Variants in BICC1 observed in about 807,000 individuals in gnomAD.
BICC1 encodes protein bicaudal C homolog 1.
A neutral mutation model predicts 111.0 loss-of-function variants in BICC1; 43 were observed. That is an observed-to-expected ratio of 0.39 (90% CI 0.30 to 0.50). BICC1 has a LOEUF of 0.50. BICC1 is among the 20% of genes least tolerant of loss of function. The pLI is 0.88. For missense variants in BICC1, 1,091 were observed against 1,203.2 expected (o/e 0.91, Z 1.38); for synonymous variants, 467 against 434.4 (o/e 1.07, Z -0.93).
intron 1 of BICC1, among the ~76,000 whole-genome samples, chr10:58,554,658 T>G (rs1843393145): frequency 6.6e-6 from 1 of 152,056 alleles, no homozygotes; most frequent in Admixed American, 6.6e-5. Flanking sequence ...ATTTGTATAA[T>G]AAGAATTACT....
At chr10:58,552,560 C>T (rs1480805721) in intron 1 of BICC1, among the ~76,000 whole-genome samples, 6 of 152,256 alleles carry the variant, frequency 3.9e-5, no homozygotes, top group Non-Finnish European at 8.8e-5. Context: ...TGGTCTCCAT[C>T]TCCTGACCTT....
chr10:58,812,421 C>G (rs755372862), intron 17 of BICC1, among the ~76,000 whole-genome samples: 28 of 151,810 alleles, frequency 1.8e-4, no homozygotes, highest in South Asian at 1.0e-3. Context: ...GCCTATCGGA[C>G]AGGAAAATGG....
chr10:58,574,303 T>G (rs888006119), intron 1 of BICC1, among the ~76,000 whole-genome samples: 1 of 152,128 alleles, frequency 6.6e-6, no homozygotes, highest in Non-Finnish European at 1.5e-5. Flanking sequence ...AACATTTTTG[T>G]GGTTGATGGG....
chr10:58,515,825 T>C (rs1388205838), intron 1 of BICC1, among the ~76,000 whole-genome samples: 3 of 152,170 alleles, frequency 2.0e-5, no homozygotes, highest in Non-Finnish European at 4.4e-5. Flanking sequence ...CCACAGTGTT[T>C]GGTCAATGAT....
intron 1 of BICC1, among the ~76,000 whole-genome samples, chr10:58,595,439 T>C (rs761962599): frequency 3.9e-5 from 6 of 152,180 alleles, no homozygotes; most frequent in Admixed American, 6.5e-5. Context: ...ATCACACTTA[T>C]TCTAAAATTG....
intron 1 of BICC1, among the ~76,000 whole-genome samples, chr10:58,608,720 G>A (rs1412109853): frequency 1.3e-5 from 2 of 152,206 alleles, no homozygotes; most frequent in Non-Finnish European, 2.9e-5. Context: ...AGAGCTTGAA[G>A]GAGATTGAAG....
intron 2 of BICC1, among the ~76,000 whole-genome samples, chr10:58,642,498 G>A (rs1020071855): frequency 1.3e-5 from 2 of 152,046 alleles, no homozygotes; most frequent in African/African-American, 4.8e-5. Flanking sequence ...ATGAGTTCCT[G>A]GTGACTTGAG....
At chr10:58,703,030 C>T (rs1246661034) in intron 3 of BICC1, among the ~76,000 whole-genome samples, 1 of 152,114 alleles carries the variant, frequency 6.6e-6, no homozygotes, top group African/African-American at 2.4e-5. Context: ...TACTTCAGTC[C>T]AGTTTGCCTT....
intron 1 of BICC1, among the ~76,000 whole-genome samples, chr10:58,562,833 T>C (rs1473818105): frequency 6.6e-6 from 1 of 152,136 alleles, no homozygotes; most frequent in Non-Finnish European, 1.5e-5. Context: ...AACAGTATTG[T>C]CTTCTTGTGC....
chr10:58,806,040 T>C (rs1197216737), intron 15 of BICC1, among the ~76,000 whole-genome samples: 1 of 152,202 alleles, frequency 6.6e-6, no homozygotes, highest in Non-Finnish European at 1.5e-5. Context: ...TAAATTAAAG[T>C]TAGACATCTG....
chr10:58,692,264 A>G (rs1004408684), intron 2 of BICC1, among the ~76,000 whole-genome samples: 1 of 152,152 alleles, frequency 6.6e-6, no homozygotes, highest in African/African-American at 2.4e-5. Flanking sequence ...CTAGGTTTTC[A>G]TTGATAAGTA....
At chr10:58,531,786 G>T (rs961891211) in intron 1 of BICC1, among the ~76,000 whole-genome samples, 2 of 149,804 alleles carry the variant, frequency 1.3e-5, no homozygotes. Context: ...TAACTGATTT[G>T]AAAAAAAAAA....
intron 3 of BICC1, among the ~76,000 whole-genome samples, chr10:58,709,976 G>A (rs1840522949): frequency 6.6e-6 from 1 of 152,086 alleles, no homozygotes; most frequent in South Asian, 2.1e-4. Context: ...GACTATAGTT[G>A]TTTTGGTTGT....
chr10:58,793,686 A>C, intron 9 of BICC1, 71 bp downstream of exon 9: 1 of 1,526,678 alleles, frequency 6.6e-7, no homozygotes, highest in South Asian at 1.2e-5. Flanking sequence ...TTTGCATAGA[A>C]GTATTTATTT....
At chr10:58,718,812 G>A (rs1306361732) in intron 3 of BICC1, among the ~76,000 whole-genome samples, 2 of 151,958 alleles carry the variant, frequency 1.3e-5, no homozygotes, top group Admixed American at 6.5e-5. Context: ...TTATGGGTAT[G>A]TGTGTGTGCG....
At chr10:58,775,392 A>G (rs1185621430) in intron 3 of BICC1, among the ~76,000 whole-genome samples, 5 of 151,928 alleles carry the variant, frequency 3.3e-5, no homozygotes, top group Non-Finnish European at 7.4e-5. Context: ...ACAAAAAACA[A>G]AAAACAAAAA....
intron 1 of BICC1, among the ~76,000 whole-genome samples, chr10:58,594,247 T>C (rs1207820982): frequency 6.6e-6 from 1 of 152,140 alleles, no homozygotes; most frequent in Non-Finnish European, 1.5e-5. Context: ...AATCTACATT[T>C]GATTGGTGTA....
chr10:58,560,147 G>GT (rs886139092), intron 1 of BICC1, among the ~76,000 whole-genome samples: 7 of 151,894 alleles, frequency 4.6e-5, no homozygotes, highest in South Asian at 2.1e-4. Context: ...ATAAATGTGA[G>GT]TTTTTTTATA....
intron 15 of BICC1, among the ~76,000 whole-genome samples, 164 bp downstream of exon 15, chr10:58,803,406 A>G (rs552672138): frequency 6.6e-6 from 1 of 152,366 alleles, no homozygotes; most frequent in South Asian, 2.1e-4. Context: ...TGCTATAAAC[A>G]TTAAAAATGA....
Sources: allele counts gnomAD v4.1 joint callset (sites outside exome capture counted in the v4.1 genomes callset), GRCh38; gene constraint gnomAD v4.1.1; transcripts MANE v1.5; gene names NCBI Gene and HGNC (gene_info 2026-07-23, HGNC 2026-07-21).